MCM2: variants seen among roughly 807,000 people sequenced by gnomAD.
The protein encoded by MCM2 is minichromosome maintenance complex component 2.
Under a neutral mutation model 86.4 loss-of-function variants are expected in MCM2, and 49 were observed. The observed-to-expected ratio is 0.57, with a 90% CI of 0.45 to 0.72. MCM2 has a LOEUF of 0.72. Among genes scored for constraint, MCM2 ranks in the 30% least tolerant of loss-of-function variants. The pLI, the probability that MCM2 is intolerant of heterozygous loss-of-function variation, is 0.00. For synonymous variants in MCM2, 475 were observed against 484.6 expected (o/e 0.98, Z 0.26); for missense variants, 1,038 against 1,259.9 (o/e 0.82, Z 2.67).
In MCM2 at chr3:127,617,707, G is replaced by A. The variant is rs61458721; in HGVS notation, c.1901-262G>A. 57 of 586,326 alleles carry A rather than the reference G, an allele frequency of 9.7e-5. No individual in the cohort carries two copies. Among genetic ancestry groups the A allele is most frequent in the African/African-American group, 7.6e-4 (41 of 53,732 alleles). 36.3% of individuals were successfully genotyped at this position (586,326 alleles called of 1,614,324 possible). On this transcript the variant is annotated intron_variant, in intron 11 of 15. Coordinates refer to ENST00000265056, the MANE Select transcript of MCM2 (RefSeq NM_004526.4). The surrounding 1 kb of genome is among the most constrained non-coding windows in gnomAD (Gnocchi z 4.1). ...GGCTGTTGGTCTCAGCAGCGAATGC[G>A]TAAAAGAACCCAGGCTCTGTCACCC... is the stretch of plus-strand genomic sequence containing the variant.
chr3:127,605,024 T>C lies in MCM2; in HGVS notation c.541T>C (p.Ser181Pro), dbSNP rs1293054823. The C allele has an allele frequency of 6.2e-7, 1 of 1,614,102 alleles. No homozygotes were observed. The highest frequency in any genetic ancestry group is 2.2e-5 in the East Asian group (1 of 44,884). Residue 181 changes from serine to proline, a missense_variant, in exon 4 of 16, where the codon TCT (serine) becomes CCT (proline). Around this residue, in one of 4 missense-constraint regions of MCM2, gnomAD observed 300 missense variants for 307.4 expected, o/e 0.98. Transcript: ENST00000265056. ...IENLEDLKGH[S>P]VREWVSMAGP... ...GAACCTGGAGGATCTCAAAGGCCACTCTGTGCGCGAGTGGGTGAGCATGGC... is the reference window on the plus strand; with the variant it reads ...GAACCTGGAGGATCTCAAAGGCCACCCTGTGCGCGAGTGGGTGAGCATGGC...
At chr3:127,620,927 G>T in intron 14 of MCM2, 47 bp downstream of exon 14, 4 of 1,574,238 alleles carry the variant, frequency 2.5e-6, no homozygotes, top group Non-Finnish European at 3.5e-6. Flanking sequence ...CTCAGTGAAG[G>T]AGGCCACACG....
At chr3:127,611,956 C>T (rs2074401972) in intron 8 of MCM2, among the ~76,000 whole-genome samples, 1 of 144,480 alleles carries the variant, frequency 6.9e-6, no homozygotes. Context: ...GCCTCGGCCT[C>T]CCAAAGTGCT....
intron 15 of MCM2, 73 bp downstream of exon 15, chr3:127,621,301 C>T: frequency 1.3e-6 from 2 of 1,573,176 alleles, no homozygotes; most frequent in Non-Finnish European, 1.7e-6. Context: ...ATGGGGGCTC[C>T]ATCATAATGG....
rs368108530 is a variant in MCM2, at chr3:127,604,874, C to T, written c.413-22C>T. 6.6e-5 allele frequency: 106 copies of T among 1,597,888 alleles called. 1 individual carries two copies. The African/African-American group carries it at 1.2e-3, about 18-fold the overall frequency. ...AAGGTGCTGGGGATGACCGCAGTAGCAGGTGTCTCTTGCCTCCCCAGACAG... is the reference window on the plus strand; with the variant it reads ...AAGGTGCTGGGGATGACCGCAGTAGTAGGTGTCTCTTGCCTCCCCAGACAG... On this transcript the variant is annotated intron_variant, in intron 3 of 15. Transcript: ENST00000265056.
chr3:127,605,262 T>C, intron 4 of MCM2, 106 bp downstream of exon 4: 1 of 1,433,832 alleles, frequency 7.0e-7, no homozygotes, highest in African/African-American at 1.4e-5. Flanking sequence ...GGCATATGGC[T>C]GAGAGGTCTG....
In MCM2 at chr3:127,615,860, A is replaced by G; in HGVS notation, c.1429-2A>G. On this transcript the variant is annotated splice_acceptor_variant, in intron 8 of 15. Coordinates refer to ENST00000265056, the MANE Select transcript of MCM2 (RefSeq NM_004526.4). LOFTEE classifies it high-confidence loss of function. ...TCTTGTCGGTCTCCCTCCCTTTCTC[A>G]GATCTTTGCCAGCATTGCTCCTTCC... 1 of 1,610,960 alleles carries G rather than the reference A, an allele frequency of 6.2e-7. No homozygotes were observed. Among genetic ancestry groups the G allele is most frequent in the Non-Finnish European group, 8.5e-7 (1 of 1,177,206 alleles).
Position 127,617,936 on chromosome 3 carries a change from C to G in MCM2, c.1901-33C>G, listed in dbSNP as rs758706243. 1 of 1,543,290 alleles carries G rather than the reference C, an allele frequency of 6.5e-7. No homozygotes were observed. The highest frequency in any genetic ancestry group is 2.3e-5 in the East Asian group (1 of 44,272). On this transcript the variant is annotated intron_variant, in intron 11 of 15. Transcript: ENST00000265056. The surrounding 1 kb of genome is among the most constrained non-coding windows in gnomAD (Gnocchi z 4.1). Reference sequence around the variant, plus strand: ...CCCTGAGATGGGAGGATAGGGGAATCCACCCTGATGGAGGTGCTCCCCTGT... The same window carrying G: ...CCCTGAGATGGGAGGATAGGGGAATGCACCCTGATGGAGGTGCTCCCCTGT...
Position 127,617,056 on chromosome 3 carries a change from T to C in MCM2, c.1711T>C (p.Leu571=), listed in dbSNP as rs2074438693. ...QRHPVSREWT[L]EAGALVLADR... is the part of the protein sequence containing the mutation. ...GCACCCTGTCAGCAGGGAGTGGACC[T>C]TGGAGGCTGGGGCCCTGGTTCTGGC... The change falls in exon 10 of 16, where the codon TTG becomes CTG. Residue 571 remains leucine (L), a synonymous_variant. Transcript: ENST00000265056. The surrounding 1 kb of genome is among the most constrained non-coding windows in gnomAD (Gnocchi z 4.1). The C allele has an allele frequency of 3.7e-6, 6 of 1,614,072 alleles. No homozygotes were observed. The highest frequency in any genetic ancestry group is 5.1e-6 in the Non-Finnish European group (6 of 1,180,034).
In MCM2 at chr3:127,608,892, C is replaced by A. The variant is rs758512953; in HGVS notation, c.1297C>A (p.Pro433Thr). The change falls in exon 8 of 16, where the codon CCT becomes ACT. Residue 433 changes from proline to threonine, a missense_variant. By Grantham distance (38) the Pro-to-Thr change is conservative. This residue lies in a region of MCM2 where 399 missense variants were observed against 507.2 expected (regional missense o/e 0.79). Coordinates refer to ENST00000265056, the MANE Select transcript of MCM2 (RefSeq NM_004526.4). ...DGSLNTANGFPVFATVILANH... is the reference protein window; with the variant it reads ...DGSLNTANGFTVFATVILANH... The stretch of plus-strand genomic sequence containing the variant: ...CTCCCTCAACACTGCCAATGGCTTC[C>A]CTGTCTTTGCCACTGTCATCCTAGC... The A allele has an allele frequency of 1.2e-6, 2 of 1,614,062 alleles. No homozygotes were observed. The highest frequency in any genetic ancestry group is 2.7e-5 in the African/African-American group (2 of 74,914).
rs780280105 is a variant in MCM2, at chr3:127,620,745, C to G, written c.2313C>G (p.Ile771Met). ...CGGTGCGGCACATCGAGTCCATGAT[C>G]CGCATGGCGGAGGCCCACGCGCGCA... ...PITVRHIESM[I>M]RMAEAHARIH... is the part of the protein sequence containing the mutation. Residue 771 changes from isoleucine (I) to methionine (M), a missense_variant, in exon 14 of 16, where the codon ATC (isoleucine) becomes ATG (methionine). Physicochemically the swap from Ile to Met is conservative, Grantham distance 10. Transcript: ENST00000265056. 1 of 1,612,772 alleles carries G rather than the reference C, an allele frequency of 6.2e-7. No individual in the cohort carries two copies. The highest frequency in any genetic ancestry group is 8.5e-7 in the Non-Finnish European group (1 of 1,179,010).
chr3:127,598,588 CT>C, intron 1 of MCM2, 116 bp downstream of exon 1: 3 of 1,339,018 alleles, frequency 2.2e-6, no homozygotes, highest in Non-Finnish European at 3.0e-6. Context: ...GGGCCCCAGG[CT>C]CTGGGGCGCA....
In MCM2 at chr3:127,621,671, G is replaced by A. The variant is rs928955916; in HGVS notation, c.2613G>A (p.Gln871=). 1.9e-6 allele frequency: 3 copies of A among 1,612,768 alleles called. No homozygotes were observed. Among genetic ancestry groups the A allele is most frequent in the Admixed American group, 3.3e-5 (2 of 59,984 alleles). The change falls in exon 16 of 16, where the codon CAG becomes CAA. Residue 871 remains glutamine, a synonymous_variant. Transcript: ENST00000265056. ...PEKDLVDKAR[Q]INIHNLSAFY... is the part of the protein sequence containing the mutation. Reference sequence around the variant, plus strand: ...ACACTTCCTCCTTGCAGGCTCGTCAGATCAACATCCACAACCTCTCTGCAT... The same window carrying A: ...ACACTTCCTCCTTGCAGGCTCGTCAAATCAACATCCACAACCTCTCTGCAT...
chr3:127,606,223 ATGAGGC>A lies in MCM2; in HGVS notation c.782_787del (p.Glu261_Ala262del), dbSNP rs1271647747. On this transcript the variant is annotated inframe_deletion, in exon 5 of 16. Coordinates refer to ENST00000265056, the MANE Select transcript of MCM2 (RefSeq NM_004526.4). This position sits in a 1 kb window ranked among gnomAD's most constrained non-coding sequence, Gnocchi z 4.2. ...CCGGCGGAGCTGCTGCAGATCTTTG[ATGAGGC>A]TGCCCTGGAGGTGGTACTGGCCATG... 1.9e-6 allele frequency: 3 copies of A among 1,614,168 alleles called. No homozygotes were observed. The highest frequency in any genetic ancestry group is 2.5e-6 in the Non-Finnish European group (3 of 1,180,042).
In MCM2 at chr3:127,603,392, G is replaced by A. The variant is rs556027933; in HGVS notation, c.237-1216G>A. Among the ~76,000 whole-genome samples, 23 of 150,848 alleles carry A rather than the reference G, an allele frequency of 1.5e-4. No individual in the cohort carries two copies. In the South Asian group the frequency reaches 4.0e-3, roughly 26 times the overall value. On this transcript the variant is annotated intron_variant, in intron 2 of 15. Transcript: ENST00000265056. ...GGCTGGAGTGCAGTGGTGCTATCTC[G>A]GCTCACTGCAACCTCTGCCTCCCTG...
intron 4 of MCM2, among the ~76,000 whole-genome samples, chr3:127,605,434 CTTTTTTT>C (rs1227332481): frequency 1.2e-5 from 1 of 86,124 alleles, no homozygotes; most frequent in Non-Finnish European, 2.3e-5. Flanking sequence ...GGAATTGACT[CTTTTTTT>C]TTTTTTTTTT....
At chr3:127,599,653 T>G in intron 2 of MCM2, 106 bp downstream of exon 2, 1 of 1,016,218 alleles carries the variant, frequency 9.8e-7, no homozygotes, top group Non-Finnish European at 1.4e-6. Context: ...TCGATGGCAT[T>G]CTTGCCTTTG....
At position 127,618,990 on chromosome 3, in the gene MCM2, C is replaced by G; in HGVS notation, c.2014-37C>G. On this transcript the variant is annotated intron_variant, in intron 12 of 15. Coordinates refer to ENST00000265056, the MANE Select transcript of MCM2 (RefSeq NM_004526.4). This position sits in a 1 kb window ranked among gnomAD's most constrained non-coding sequence, Gnocchi z 4.0. ...ACTGACCTCCCCAAAGCCACGCACA[C>G]CCACAATCAGACCCACCCTCTCATG... 6.5e-7 allele frequency: 1 copy of G among 1,540,762 alleles called. No individual in the cohort carries two copies. The highest frequency in any genetic ancestry group is 2.3e-5 in the East Asian group (1 of 43,264).
In MCM2 at chr3:127,617,559, G is replaced by T. The variant is rs2074442976; in HGVS notation, c.1900+154G>T. Reference sequence around the variant, plus strand: ...CTTCTGCATATCCTGCCAGAGTGGGGAACAGTGAAAGTGGGACCTGGGACA... The same window carrying T: ...CTTCTGCATATCCTGCCAGAGTGGGTAACAGTGAAAGTGGGACCTGGGACA... On this transcript the variant is annotated intron_variant, in intron 11 of 15. Coordinates refer to ENST00000265056, the MANE Select transcript of MCM2 (RefSeq NM_004526.4). The surrounding 1 kb of genome is among the most constrained non-coding windows in gnomAD (Gnocchi z 4.1). 2.0e-6 allele frequency: 2 copies of T among 1,004,568 alleles called. No individual in the cohort carries two copies. Among genetic ancestry groups the T allele is most frequent in the African/African-American group, 1.6e-5 (1 of 61,260 alleles). 62.2% of individuals were successfully genotyped at this position (1,004,568 alleles called of 1,614,324 possible).
Sources: allele counts gnomAD v4.1 joint callset (sites outside exome capture counted in the v4.1 genomes callset), GRCh38; gene constraint gnomAD v4.1.1; regional missense constraint gnomAD v4.1.1; non-coding constraint Gnocchi (gnomAD v3.1); transcripts MANE v1.5; gene names NCBI Gene and HGNC (gene_info 2026-07-23, HGNC 2026-07-21).